CADPS2: variants seen among roughly 807,000 people sequenced by gnomAD.
CADPS2 encodes the protein calcium-dependent secretion activator 2.
A neutral mutation model predicts 172.5 loss-of-function variants in CADPS2; 93 were observed. The ratio of observed to expected loss-of-function variants is 0.54; its 90% confidence interval spans 0.46 to 0.64. The LOEUF is 0.64. Among genes scored for constraint, CADPS2 ranks in the 30% least tolerant of loss-of-function variants. The probability of loss-of-function intolerance (pLI) is 0.00; values close to 1 mark genes in which losing one functional copy is unlikely to be tolerated. For synonymous variants in CADPS2, 546 were observed against 555.2 expected (o/e 0.98, Z 0.23); for missense variants, 1,420 against 1,565.9 (o/e 0.91, Z 1.57).
intron 9 of CADPS2, among the ~76,000 whole-genome samples, chr7:122,502,175 G>A (rs2059261233): frequency 6.6e-6 from 1 of 151,972 alleles, no homozygotes; most frequent in African/African-American, 2.4e-5. Flanking sequence ...TCTTTTCTCA[G>A]GTATGTGTTC....
intron 24 of CADPS2, among the ~76,000 whole-genome samples, chr7:122,381,473 C>T (rs1224119315): frequency 6.6e-6 from 1 of 152,056 alleles, no homozygotes; most frequent in Non-Finnish European, 1.5e-5. Context: ...TTCATAACTT[C>T]CATTTTTTGA....
chr7:122,608,250 C>T (rs1037927568), intron 6 of CADPS2, among the ~76,000 whole-genome samples: 1 of 150,688 alleles, frequency 6.6e-6, no homozygotes, highest in African/African-American at 2.4e-5. Context: ...TTTGATAGAT[C>T]ATATAAAAAT....
At chr7:122,494,020 G>A (rs1025757294) in intron 9 of CADPS2, among the ~76,000 whole-genome samples, 6 of 152,090 alleles carry the variant, frequency 3.9e-5, no homozygotes, top group Non-Finnish European at 8.8e-5. Flanking sequence ...AAATGTGGCT[G>A]GGAAAGTACT....
In CADPS2 at chr7:122,876,321, A is replaced by AAAAAT. The variant is rs569666990; in HGVS notation, c.339+9673_339+9677dup. Among the ~76,000 whole-genome samples, 4 of 152,190 alleles carry AAAAAT rather than the reference A, an allele frequency of 2.6e-5. No homozygotes were observed. In the South Asian group the frequency reaches 6.2e-4, roughly 24 times the overall value. ...GGCCACAGAGCAAGACTTTGTGTCA[A>AAAAAT]AAAATAAAATAAAATAAGGGAATCC... On this transcript the variant is annotated intron_variant, in intron 1 of 29. Transcript: ENST00000449022.
chr7:122,710,168 T>C (rs1209108346), intron 2 of CADPS2, among the ~76,000 whole-genome samples: 1 of 151,948 alleles, frequency 6.6e-6, no homozygotes, highest in Non-Finnish European at 1.5e-5. Flanking sequence ...CTATGATGGT[T>C]AACTCTGAGT....
At chr7:122,797,706 C>CTTAT (rs1253582789) in intron 1 of CADPS2, among the ~76,000 whole-genome samples, 4 of 151,924 alleles carry the variant, frequency 2.6e-5, no homozygotes, top group African/African-American at 9.7e-5. Flanking sequence ...GACACCAGAG[C>CTTAT]TTATTGCAGG....
chr7:122,575,174 A>C (rs962689846), intron 7 of CADPS2, among the ~76,000 whole-genome samples: 3 of 145,342 alleles, frequency 2.1e-5, no homozygotes, highest in East Asian at 3.9e-4. Flanking sequence ...CATTATAATA[A>C]AAGTAAAAAA....
chr7:122,726,756 G>C (rs1254040044), intron 2 of CADPS2, among the ~76,000 whole-genome samples: 3 of 122,894 alleles, frequency 2.4e-5, no homozygotes, highest in African/African-American at 9.1e-5. Context: ...CGTAAAATTA[G>C]GAAGAGCTTC....
intron 1 of CADPS2, among the ~76,000 whole-genome samples, chr7:122,829,916 T>G (rs1019827919): frequency 2.6e-5 from 4 of 152,128 alleles, no homozygotes; most frequent in African/African-American, 9.7e-5. Context: ...TTTCCAAACA[T>G]TGTGATGTCC....
chr7:122,462,731 A>C (rs2054612919), intron 14 of CADPS2, among the ~76,000 whole-genome samples: 1 of 152,224 alleles, frequency 6.6e-6, no homozygotes, highest in Non-Finnish European at 1.5e-5. Context: ...CATATCATGC[A>C]AAAATCATTA....
chr7:122,625,207 C>T (rs1449519236), intron 4 of CADPS2, among the ~76,000 whole-genome samples: 2 of 152,038 alleles, frequency 1.3e-5, no homozygotes, highest in Admixed American at 6.6e-5. Flanking sequence ...GGCGCCACCA[C>T]GCCCGGCTAA....
In CADPS2 at chr7:122,621,608, G is replaced by C. The variant is rs372372999; in HGVS notation, c.977C>G (p.Ser326Trp). ...TAATTTAAATTCCGGACCACCTTTCGAAACTGGAAGACTTTCCAAATTGGC... is the reference window on the plus strand; with the variant it reads ...TAATTTAAATTCCGGACCACCTTTCCAAACTGGAAGACTTTCCAAATTGGC... Reference protein sequence around the residue: ...LMANLESLPVSKGGPEFKLQK... With the variant: ...LMANLESLPVWKGGPEFKLQK... Residue 326 changes from serine (S) to tryptophan (W), a missense_variant, in exon 5 of 30, where the codon TCG becomes TGG. By Grantham distance (177) the Ser-to-Trp change is radical. Transcript: ENST00000449022. The C allele has an allele frequency of 1.3e-5, 21 of 1,613,546 alleles. No homozygotes were observed. The highest frequency in any genetic ancestry group is 8.3e-5 in the Admixed American group (5 of 59,976).
intron 2 of CADPS2, chr7:122,702,251 ATCG>A (rs766283676): frequency 5.6e-6 from 9 of 1,613,668 alleles, no homozygotes; most frequent in Non-Finnish European, 7.6e-6. Flanking sequence ...TCCTTTCTGA[ATCG>A]AGTGCAAAAT....
chr7:122,771,146 G>A lies in CADPS2; in HGVS notation c.340-34078C>T, dbSNP rs116063204. Among the ~76,000 whole-genome samples, 238 of 152,256 alleles carry A rather than the reference G, an allele frequency of 1.6e-3. 3 individuals are homozygous for A. The highest frequency in any genetic ancestry group is 5.7e-3 in the African/African-American group (235 of 41,552). ...TCCTGGAATTTTCAAAGCTCCCCAG[G>A]GAAACATAACCTGCAGTAGGAGTTG... On this transcript the variant is annotated intron_variant, in intron 1 of 29. Coordinates refer to ENST00000449022, the MANE Select transcript of CADPS2 (RefSeq NM_017954.11).
At chr7:122,866,890 A>G (rs551404652) in intron 1 of CADPS2, among the ~76,000 whole-genome samples, 103 of 152,296 alleles carry the variant, frequency 6.8e-4, no homozygotes, top group South Asian at 3.1e-3. Context: ...CATATAAGCT[A>G]GCCTCTGCAT....
At chr7:122,625,841 T>C (rs902278429) in intron 4 of CADPS2, among the ~76,000 whole-genome samples, 1 of 152,142 alleles carries the variant, frequency 6.6e-6, no homozygotes, top group Non-Finnish European at 1.5e-5. Context: ...ACATCTACTT[T>C]TTAATATTAT....
At chr7:122,470,164 A>G (rs1441613821) in intron 14 of CADPS2, among the ~76,000 whole-genome samples, 1 of 152,054 alleles carries the variant, frequency 6.6e-6, no homozygotes, top group Admixed American at 6.6e-5. Context: ...TTATTCTACA[A>G]TTTTTTTGAC....
intron 23 of CADPS2, 125 bp downstream of exon 23, chr7:122,388,458 T>C: frequency 1.0e-6 from 1 of 993,756 alleles, no homozygotes; most frequent in Non-Finnish European, 1.4e-6. Context: ...CTAATACTCA[T>C]TAAATGTTGG....
chr7:122,713,041 A>C (rs796629342), intron 2 of CADPS2, among the ~76,000 whole-genome samples: 9 of 152,200 alleles, frequency 5.9e-5, no homozygotes, highest in African/African-American at 2.2e-4. Context: ...AGGACAGTTT[A>C]ATCATTATAT....
Sources: gnomAD v4.1 joint callset for allele counts (sites outside exome capture counted in the v4.1 genomes callset) on GRCh38, gnomAD v4.1.1 for gene constraint, MANE v1.5 for transcripts, NCBI Gene and HGNC (gene_info 2026-07-23, HGNC 2026-07-21) for gene names.